TPRG1: variants seen among roughly 807,000 people sequenced by gnomAD.
TPRG1 encodes the protein tumor protein p63-regulated gene 1 protein.
Under a neutral mutation model 29.3 loss-of-function variants are expected in TPRG1, and 29 were observed. The observed-to-expected ratio is 0.99, with a 90% CI of 0.74 to 1.35. The LOEUF is 1.35. Ranked by LOEUF, TPRG1 falls within the 40% of genes most tolerant of loss-of-function variation. TPRG1 has a pLI of 0.00. For missense variants in TPRG1, 327 were observed against 335.0 expected (o/e 0.98, Z 0.19); for synonymous variants, 130 against 116.8 (o/e 1.11, Z -0.73).
chr3:189,067,084 A>G (rs921217692), intron 4 of TPRG1, among the ~76,000 whole-genome samples: 1 of 152,156 alleles, frequency 6.6e-6, no homozygotes, highest in African/African-American at 2.4e-5. Flanking sequence ...AGTTACAAAT[A>G]AAACAAAATA....
At chr3:189,112,970 A>G (rs1392438170) in intron 1 of TPRG1, among the ~76,000 whole-genome samples, 2 of 152,166 alleles carry the variant, frequency 1.3e-5, no homozygotes, top group Non-Finnish European at 2.9e-5. Flanking sequence ...CTTGGGCAGT[A>G]TGGCCATTTT....
At chr3:189,020,757 C>T (rs1713254869) in intron 3 of TPRG1, among the ~76,000 whole-genome samples, 2 of 119,734 alleles carry the variant, frequency 1.7e-5, no homozygotes, top group South Asian at 3.4e-4. Context: ...CTGCTTGGTG[C>T]AGAGCTGAGT....
At chr3:189,131,103 A>T (rs574913722) in intron 2 of TPRG1, among the ~76,000 whole-genome samples, 1 of 152,184 alleles carries the variant, frequency 6.6e-6, no homozygotes, top group Non-Finnish European at 1.5e-5. Flanking sequence ...TTGGCAGCAT[A>T]ATTAGTAATA....
intron 4 of TPRG1, among the ~76,000 whole-genome samples, chr3:189,044,017 G>T (rs536895780): frequency 2.0e-5 from 3 of 151,850 alleles, no homozygotes; most frequent in Admixed American, 2.0e-4. Flanking sequence ...TCAATGTTTT[G>T]CTGGTGTCTG....
At chr3:189,273,832 G>T (rs750752005) in intron 4 of TPRG1, among the ~76,000 whole-genome samples, 1 of 152,096 alleles carries the variant, frequency 6.6e-6, no homozygotes, top group Non-Finnish European at 1.5e-5. Flanking sequence ...TGCCTGAAAT[G>T]TTCTCAACAA....
intron 2 of TPRG1, chr3:189,212,106 C>T (rs1214520169): frequency 6.6e-6 from 1 of 152,084 alleles, no homozygotes; most frequent in Non-Finnish European, 1.5e-5. Context: ...CTCTGTAGGA[C>T]TCTATATTTG....
intron 4 of TPRG1, among the ~76,000 whole-genome samples, chr3:189,082,894 T>C (rs1717695097): frequency 6.6e-6 from 1 of 152,186 alleles, no homozygotes; most frequent in African/African-American, 2.4e-5. Context: ...ACACAGCAGA[T>C]ATTTCCCTGT....
Position 189,208,250 on chromosome 3 carries a change from C to A in TPRG1, c.210+656C>A, listed in dbSNP as rs1734717492. Among the ~76,000 whole-genome samples, 3 of 152,138 alleles carry A rather than the reference C, an allele frequency of 2.0e-5. No individual in the cohort carries two copies. In the South Asian group the frequency reaches 6.2e-4, roughly 32 times the overall value. ...TGCTTCATAGGTTTCTAGTACCTTT[C>A]CCTCTTGAGCTCTTCTTCCTACTTA... On this transcript the variant is annotated intron_variant, in intron 2 of 5. Transcript: ENST00000345063.
intron 3 of TPRG1, among the ~76,000 whole-genome samples, chr3:189,137,639 G>T (rs1723940340): frequency 1.3e-5 from 2 of 152,012 alleles, no homozygotes; most frequent in Non-Finnish European, 2.9e-5. Context: ...TTTCTTGGGG[G>T]TCCCAGTAGG....
At chr3:189,101,784 AAAT>A (rs1464041282) in intron 1 of TPRG1, among the ~76,000 whole-genome samples, 1 of 150,604 alleles carries the variant, frequency 6.6e-6, no homozygotes, top group Non-Finnish European at 1.5e-5. Context: ...TTAATAATAA[AAAT>A]AATAATAAAT....
At chr3:189,039,309 C>T (rs942991868) in intron 4 of TPRG1, among the ~76,000 whole-genome samples, 6 of 152,160 alleles carry the variant, frequency 3.9e-5, no homozygotes, top group Non-Finnish European at 8.8e-5. Context: ...CCATTCCACC[C>T]CAGTCCTAGG....
chr3:189,157,831 G>A (rs1353155596), intron 5 of TPRG1, among the ~76,000 whole-genome samples: 1 of 152,098 alleles, frequency 6.6e-6, no homozygotes, highest in African/African-American at 2.4e-5. Flanking sequence ...GAGTTATTAT[G>A]ACTCCCTCCA....
chr3:189,224,576 T>A (rs1197407902), intron 3 of TPRG1, among the ~76,000 whole-genome samples: 2 of 152,052 alleles, frequency 1.3e-5, no homozygotes, highest in African/African-American at 4.8e-5. Context: ...CACAAACAGT[T>A]CAATGTGGCT....
At chr3:189,254,478 T>C (rs890428566) in intron 4 of TPRG1, among the ~76,000 whole-genome samples, 14 of 152,196 alleles carry the variant, frequency 9.2e-5, no homozygotes, top group African/African-American at 3.4e-4. Context: ...TTGTTCTTTT[T>C]GCTTAGGATT....
At chr3:189,136,463 C>T (rs1336258367) in intron 3 of TPRG1, among the ~76,000 whole-genome samples, 1 of 152,166 alleles carries the variant, frequency 6.6e-6, no homozygotes, top group Non-Finnish European at 1.5e-5. Flanking sequence ...TGAGCACTTT[C>T]TTCTTGCGGG....
chr3:189,223,909 T>C (rs1189973568), intron 3 of TPRG1, among the ~76,000 whole-genome samples: 19 of 152,204 alleles, frequency 1.2e-4, no homozygotes. Context: ...CATACATTTA[T>C]TTATTTTTTT....
chr3:189,119,580 G>T (rs1253983146), intron 1 of TPRG1, among the ~76,000 whole-genome samples: 1 of 152,210 alleles, frequency 6.6e-6, no homozygotes, highest in Non-Finnish European at 1.5e-5. Flanking sequence ...GAGGTACTCA[G>T]TGGGAGGTAA....
chr3:189,101,125 G>A (rs940972602), intron 1 of TPRG1, among the ~76,000 whole-genome samples: 2 of 151,868 alleles, frequency 1.3e-5, no homozygotes, highest in African/African-American at 4.8e-5. Context: ...ATTTCTCTTC[G>A]CTTTCCCTCC....
chr3:189,120,215 A>G (rs538371335), intron 1 of TPRG1: 4 of 152,322 alleles, frequency 2.6e-5, no homozygotes, highest in South Asian at 2.1e-4. Flanking sequence ...GGCTCAAAAT[A>G]GAGTTGGGAA....
Sources: gnomAD v4.1 joint callset for allele counts (sites outside exome capture counted in the v4.1 genomes callset) on GRCh38, gnomAD v4.1.1 for gene constraint, MANE v1.5 for transcripts, NCBI Gene and HGNC (gene_info 2026-07-23, HGNC 2026-07-21) for gene names.